Variants in PARP11 observed in about 807,000 individuals in gnomAD.
PARP11 encodes protein mono-ADP-ribosyltransferase PARP11.
PARP11 carries 31 observed loss-of-function variants against 42.9 expected under a neutral mutation model. The ratio of observed to expected loss-of-function variants is 0.72; its 90% CI spans 0.54 to 0.98. The LOEUF (loss-of-function observed/expected upper bound fraction) is 0.98. PARP11 is among the 50% of genes least tolerant of loss of function. The pLI is 0.00. For missense variants in PARP11, 365 were observed against 413.1 expected (o/e 0.88, Z 1.01); for synonymous variants, 137 against 127.3 (o/e 1.08, Z -0.51).
At chr12:3,867,759 T>G (rs1190932011) in intron 1 of PARP11, among the ~76,000 whole-genome samples, 1 of 152,186 alleles carries the variant, frequency 6.6e-6, no homozygotes, top group African/African-American at 2.4e-5. Flanking sequence ...GAAAATACTT[T>G]CCAGATACTG....
intron 1 of PARP11, among the ~76,000 whole-genome samples, chr12:3,868,407 C>G (rs1046283103): frequency 6.6e-6 from 1 of 152,136 alleles, no homozygotes; most frequent in Non-Finnish European, 1.5e-5. Flanking sequence ...TTGCAGTTAG[C>G]CGAGATCATG....
rs1947149230 is a variant in PARP11 at position 3,810,580 on chromosome 12, ACT to A, written c.*1541_*1542del. 1 of 145,274 alleles carries A rather than the reference ACT, an allele frequency of 6.9e-6. No homozygotes were observed. The highest frequency in any genetic ancestry group is 6.9e-5 in the Admixed American group (1 of 14,508). 9.0% of individuals were successfully genotyped at this position (145,274 alleles called of 1,614,324 possible). On this transcript the variant is annotated 3_prime_UTR_variant, in exon 8 of 8. Transcript: ENST00000228820. The stretch of plus-strand genomic sequence containing the variant: ...ACTGCAGCCTGGGCAACAGAGCAAG[ACT>A]CTGCCAAACCAAAAAAAAAGAAAGA...
In PARP11 at chr12:3,826,138, C is replaced by T. The variant is rs1947517307; in HGVS notation, c.344+20G>A. On this transcript the variant is annotated intron_variant, in intron 4 of 7. Transcript: ENST00000228820. ...GAAAAAAAAAACCCACTCTTTCCACCCCTATTCTCTTTACCATACCTGAAA... is the reference window on the plus strand; with the variant it reads ...GAAAAAAAAAACCCACTCTTTCCACTCCTATTCTCTTTACCATACCTGAAA... 1 of 1,492,240 alleles carries T rather than the reference C, an allele frequency of 6.7e-7. No homozygotes were observed. Among genetic ancestry groups the T allele is most frequent in the Non-Finnish European group, 9.1e-7 (1 of 1,097,096 alleles). The allele number at this position is 1,492,240 out of a possible 1,614,324, so 92.4% of individuals were successfully genotyped here.
chr12:3,851,308 C>T (rs548542526), intron 1 of PARP11, among the ~76,000 whole-genome samples: 6 of 152,226 alleles, frequency 3.9e-5, no homozygotes, highest in East Asian at 3.9e-4. Context: ...GGCAGGGCAT[C>T]GCCTCACCCA....
chr12:3,839,331 C>T, intron 1 of PARP11: 4 of 1,531,684 alleles, frequency 2.6e-6, no homozygotes, highest in Non-Finnish European at 3.5e-6. Flanking sequence ...TCCCCGACGG[C>T]GAGGACCAGG....
chr12:3,812,428 C>A lies in PARP11; in HGVS notation c.712G>T (p.Ala238Ser). ...CGACTGGAATAAGCAGCATCTCTAGCAAAATAGGTTCCTTAAACAAAGAGG... is the reference window on the plus strand; with the variant it reads ...CGACTGGAATAAGCAGCATCTCTAGAAAAATAGGTTCCTTAAACAAAGAGG... ...GAVFGKGTYFARDAAYSSRFC... is the reference protein window; with the variant it reads ...GAVFGKGTYFSRDAAYSSRFC... The change falls in exon 8 of 8, where the codon GCT (alanine) becomes TCT (serine). Residue 238 changes from alanine (A) to serine (S), a missense_variant. Transcript: ENST00000228820. The A allele has an allele frequency of 1.2e-6, 2 of 1,605,806 alleles. No individual in the cohort carries two copies. The highest frequency in any genetic ancestry group is 1.7e-6 in the Non-Finnish European group (2 of 1,175,646).
intron 6 of PARP11, 98 bp downstream of exon 6, chr12:3,821,775 A>G (rs765028699): frequency 2.0e-5 from 25 of 1,263,128 alleles, no homozygotes; most frequent in Non-Finnish European, 2.8e-5. Flanking sequence ...GAAAAACAGC[A>G]TGTCTACACC....
chr12:3,842,212 A>T, intron 1 of PARP11: 11 of 1,600,002 alleles, frequency 6.9e-6, no homozygotes, highest in Non-Finnish European at 9.4e-6. Context: ...AACTCTGTGG[A>T]TAGCAGAGTG....
At chr12:3,858,092 T>C (rs548719842) in intron 1 of PARP11, among the ~76,000 whole-genome samples, 118 of 152,134 alleles carry the variant, frequency 7.8e-4, no homozygotes, top group Non-Finnish European at 1.2e-3. Context: ...TGATGAACAA[T>C]TGGTGATTTC....
chr12:3,842,144 A>C, intron 1 of PARP11: 1 of 1,612,066 alleles, frequency 6.2e-7, no homozygotes, highest in African/African-American at 1.3e-5. Context: ...GTCTGAAAGA[A>C]AAAACAGAAA....
chr12:3,826,656 T>G (rs1183159830), intron 3 of PARP11, among the ~76,000 whole-genome samples: 1 of 152,212 alleles, frequency 6.6e-6, no homozygotes, highest in African/African-American at 2.4e-5. Context: ...TCCAAAAATT[T>G]TGGAAATGAT....
chr12:3,813,921 G>C, intron 7 of PARP11, 116 bp downstream of exon 7: 1 of 681,216 alleles, frequency 1.5e-6, no homozygotes, highest in Non-Finnish European at 2.3e-6. Flanking sequence ...TAATCCATTT[G>C]TTTTATCATT....
At chr12:3,863,230 T>C (rs1212501732) in intron 1 of PARP11, among the ~76,000 whole-genome samples, 1 of 152,232 alleles carries the variant, frequency 6.6e-6, no homozygotes, top group Non-Finnish European at 1.5e-5. Context: ...AGCAACCTTA[T>C]GAAACTCATT....
chr12:3,842,143 A>G (rs3816506), intron 1 of PARP11: 225,926 of 1,609,772 alleles, frequency 0.14, 21,693 homozygotes, highest in East Asian at 0.49. Flanking sequence ...AGTCTGAAAG[A>G]AAAAACAGAA....
chr12:3,823,551 A>G (rs1364160520), intron 4 of PARP11, among the ~76,000 whole-genome samples: 3 of 152,234 alleles, frequency 2.0e-5, no homozygotes, highest in African/African-American at 7.2e-5. Context: ...TCTATTTTAC[A>G]GACGCACAGA....
intron 1 of PARP11, among the ~76,000 whole-genome samples, chr12:3,845,796 A>G (rs1304475078): frequency 6.6e-6 from 1 of 152,042 alleles, no homozygotes; most frequent in Non-Finnish European, 1.5e-5. Flanking sequence ...CTCTCCCACT[A>G]ATTGGGATTA....
At chr12:3,816,419 G>A (rs61600993) in intron 6 of PARP11, among the ~76,000 whole-genome samples, 16,644 of 152,132 alleles carry the variant, frequency 0.11, 964 homozygotes, top group Non-Finnish European at 0.13. Flanking sequence ...TACTCTTTGC[G>A]TAAGACTTTT....
At chr12:3,841,506 T>A in intron 1 of PARP11, 1 of 1,550,824 alleles carries the variant, frequency 6.4e-7, no homozygotes, top group Non-Finnish European at 8.9e-7. Context: ...GTGTTAATGG[T>A]CAAATGCTAC....
At chr12:3,851,871 C>T (rs985210372) in intron 1 of PARP11, among the ~76,000 whole-genome samples, 2 of 152,212 alleles carry the variant, frequency 1.3e-5, no homozygotes, top group Non-Finnish European at 2.9e-5. Flanking sequence ...GGCCGACTGA[C>T]ACCTCATACA....
Sources: gnomAD v4.1 joint callset for allele counts (sites outside exome capture counted in the v4.1 genomes callset) on GRCh38, gnomAD v4.1.1 for gene constraint, MANE v1.5 for transcripts, NCBI Gene and HGNC (gene_info 2026-07-23, HGNC 2026-07-21) for gene names.